The following SRBD1 variants were observed in gnomAD, a reference collection of about 807,000 sequenced individuals.
SRBD1 encodes the protein S1 RNA binding domain 1, also known as S1 RNA-binding domain-containing protein 1.
Under a neutral mutation model 115.3 loss-of-function variants are expected in SRBD1, and 88 were observed. That is an observed-to-expected ratio of 0.76 (90% CI 0.64 to 0.91). SRBD1 has a LOEUF of 0.91. SRBD1 is among the 40% of genes least tolerant of loss of function. The pLI, the probability that SRBD1 is intolerant of heterozygous loss-of-function variation, is 0.00. For synonymous variants in SRBD1, 509 were observed against 407.7 expected (o/e 1.25, Z -2.99); for missense variants, 1,385 against 1,177.4 (o/e 1.18, Z -2.58).
chr2:45,587,380 A>G (rs1673581334), intron 4 of SRBD1, among the ~76,000 whole-genome samples: 1 of 151,588 alleles, frequency 6.6e-6, no homozygotes, highest in South Asian at 2.1e-4. Flanking sequence ...ACAGTTAAAC[A>G]GAAAAGTTTA....
At chr2:45,533,077 G>A (rs1230683165) in intron 14 of SRBD1, among the ~76,000 whole-genome samples, 2 of 152,032 alleles carry the variant, frequency 1.3e-5, no homozygotes, top group Non-Finnish European at 2.9e-5. Context: ...GGCCAAAGGT[G>A]AGGCAAAACA....
At position 45,541,019 on chromosome 2, in the gene SRBD1, C is replaced by T. The variant is rs534244829; in HGVS notation, c.1874+5713G>A. Reference sequence around the variant, plus strand: ...AGGCCCCCTGGGCTCGTTCCACTCACTCAAGCTGGCAGGCTGTGCTTGGCT... The same window carrying T: ...AGGCCCCCTGGGCTCGTTCCACTCATTCAAGCTGGCAGGCTGTGCTTGGCT... On this transcript the variant is annotated intron_variant, in intron 14 of 20. Transcript: ENST00000263736. Among the ~76,000 whole-genome samples the T allele has an allele frequency of 5.3e-5, 8 of 152,348 alleles. No individual in the cohort carries two copies. In the East Asian group the frequency reaches 1.2e-3, roughly 22 times the overall value.
At chr2:45,405,438 T>C (rs1667404569) in intron 19 of SRBD1, among the ~76,000 whole-genome samples, 1 of 152,064 alleles carries the variant, frequency 6.6e-6, no homozygotes, top group African/African-American at 2.4e-5. Flanking sequence ...AACATAGAGT[T>C]TCCATTGCTA....
chr2:45,574,034 G>T (rs561848527), intron 8 of SRBD1, among the ~76,000 whole-genome samples: 10 of 151,976 alleles, frequency 6.6e-5, no homozygotes, highest in Non-Finnish European at 1.0e-4. Context: ...ACAAAAATAG[G>T]GTTTTTAATT....
Position 45,599,372 on chromosome 2 carries a change from T to C in SRBD1, c.648+77A>G, listed in dbSNP as rs1206936727. 90 of 1,499,350 alleles carry C rather than the reference T, an allele frequency of 6.0e-5. 2 individuals are homozygous for C. The East Asian group carries it at 2.0e-3, about 33-fold the overall frequency. The allele number at this position is 1,499,350 out of a possible 1,614,324, so 92.9% of individuals were successfully genotyped here. A position where few individuals can be genotyped will look rare whatever the true frequency, so the allele number is the denominator to read the frequency against. ...AATTGAAAACCCCCAGCCCTTCCCT[T>C]AGACAGTACAACCCCTATGCTAGTC... is the stretch of plus-strand genomic sequence containing the variant. On this transcript the variant is annotated intron_variant, in intron 4 of 20. Coordinates refer to ENST00000263736, the MANE Select transcript of SRBD1 (RefSeq NM_018079.5).
chr2:45,393,979 G>A (rs995255351), intron 19 of SRBD1, among the ~76,000 whole-genome samples: 26 of 152,078 alleles, frequency 1.7e-4, no homozygotes, highest in Non-Finnish European at 5.9e-5. Flanking sequence ...CGTAACAGTT[G>A]AGCCTCATAT....
chr2:45,389,349 G>C lies in SRBD1; in HGVS notation c.2949C>G (p.Pro983=). ...VEVQVLNIDI[P]RSRITLDLIR... ...TGAGGTCCAGAGTAATCCTAGATCG[G>C]GGGATGTCAATGTTGAGTACTTGGA... Residue 983 remains proline (P), a synonymous_variant, in exon 21 of 21, where the codon CCC becomes CCG. Transcript: ENST00000263736. The C allele has an allele frequency of 6.2e-7, 1 of 1,613,976 alleles. No homozygotes were observed.
intron 16 of SRBD1, among the ~76,000 whole-genome samples, chr2:45,441,492 T>C (rs1668667394): frequency 6.6e-6 from 1 of 152,248 alleles, no homozygotes; most frequent in Non-Finnish European, 1.5e-5. Flanking sequence ...GCTTTAATTT[T>C]ATTTCCTTAA....
At chr2:45,451,887 T>C (rs1004349481) in intron 16 of SRBD1, among the ~76,000 whole-genome samples, 5 of 151,812 alleles carry the variant, frequency 3.3e-5, no homozygotes, top group African/African-American at 1.2e-4. Flanking sequence ...TTCTTTTACA[T>C]AAATGAGAGG....
At chr2:45,589,001 G>A (rs1252936499) in intron 4 of SRBD1, among the ~76,000 whole-genome samples, 5 of 152,070 alleles carry the variant, frequency 3.3e-5, no homozygotes, top group Non-Finnish European at 7.4e-5. Context: ...CTGTCACCAA[G>A]GAGGCAAACA....
chr2:45,395,773 A>T (rs1359893085), intron 19 of SRBD1, among the ~76,000 whole-genome samples: 1 of 152,236 alleles, frequency 6.6e-6, no homozygotes, highest in Non-Finnish European at 1.5e-5. Flanking sequence ...TTTTAAATAT[A>T]GTCAACTGTA....
chr2:45,483,798 C>T (rs1481209714), intron 15 of SRBD1, among the ~76,000 whole-genome samples: 1 of 152,014 alleles, frequency 6.6e-6, no homozygotes, highest in Non-Finnish European at 1.5e-5. Context: ...CACTATAATG[C>T]TTATTAAAAT....
chr2:45,428,581 A>AATAC (rs939920790), intron 16 of SRBD1, among the ~76,000 whole-genome samples: 29 of 150,178 alleles, frequency 1.9e-4, no homozygotes, highest in South Asian at 1.9e-3. Flanking sequence ...TAAATAAATA[A>AATAC]ATACATAAAT....
At chr2:45,447,403 G>A (rs188232215) in intron 16 of SRBD1, 1 of 152,228 alleles carries the variant, frequency 6.6e-6, no homozygotes, top group Non-Finnish European at 1.5e-5. Context: ...AGTCGAGATT[G>A]CGCCACTGCA....
chr2:45,402,597 C>G (rs1279128957), intron 19 of SRBD1, among the ~76,000 whole-genome samples: 1 of 152,162 alleles, frequency 6.6e-6, no homozygotes, highest in African/African-American at 2.4e-5. Context: ...AGAATTCCTC[C>G]CTAATGGGAA....
At chr2:45,562,862 C>T (rs1672716542) in intron 9 of SRBD1, 106 bp from the exon 10 acceptor site, 2 of 627,470 alleles carry the variant, frequency 3.2e-6, no homozygotes, top group South Asian at 4.9e-5. Context: ...GTTTATTAAA[C>T]AAGAATACAT....
chr2:45,580,030 G>C lies in SRBD1; in HGVS notation c.934-17C>G, dbSNP rs1247178329. ...TGGAGCAGACTAGAAAATAAAGACA[G>C]AAAACATATGATTATGTTTTAAAAA... On this transcript the variant is annotated splice_polypyrimidine_tract_variant and intron_variant, in intron 6 of 20. Coordinates refer to ENST00000263736, the MANE Select transcript of SRBD1 (RefSeq NM_018079.5). 4 of 1,486,352 alleles carry C rather than the reference G, an allele frequency of 2.7e-6. No homozygotes were observed. Among genetic ancestry groups the C allele is most frequent in the Non-Finnish European group, 3.6e-6 (4 of 1,114,214 alleles). The allele number at this position is 1,486,352 out of a possible 1,614,324, so 92.1% of individuals were successfully genotyped here.
At chr2:45,462,798 C>A (rs1669358961) in intron 16 of SRBD1, among the ~76,000 whole-genome samples, 1 of 151,974 alleles carries the variant, frequency 6.6e-6, no homozygotes, top group Non-Finnish European at 1.5e-5. Context: ...TGCACTCCAG[C>A]CTGGGCAACA....
intron 19 of SRBD1, among the ~76,000 whole-genome samples, chr2:45,399,293 G>A (rs571482819): frequency 6.6e-6 from 1 of 152,146 alleles, no homozygotes; most frequent in South Asian, 2.1e-4. Context: ...TTACTGTGGA[G>A]GAAGGCTCTA....
Sources: gnomAD v4.1 joint callset for allele counts (sites outside exome capture counted in the v4.1 genomes callset) on GRCh38, gnomAD v4.1.1 for gene constraint, MANE v1.5 for transcripts, NCBI Gene and HGNC (gene_info 2026-07-23, HGNC 2026-07-21) for gene names.